The following GPHN variants were observed in gnomAD, a reference collection of about 807,000 sequenced individuals.
GPHN encodes the protein gephyrin.
A neutral mutation model predicts 95.5 loss-of-function variants in GPHN; 17 were observed. The ratio of observed to expected loss-of-function variants is 0.18; its 90% CI spans 0.12 to 0.27. The LOEUF (loss-of-function observed/expected upper bound fraction) is 0.27, where lower values mean the gene tolerates loss of function less well. Ranked by LOEUF, GPHN falls within the 10% of genes least tolerant of loss-of-function variation. GPHN has a pLI of 1.00. For missense variants in GPHN, 660 were observed against 978.1 expected (o/e 0.67, Z 4.34); for synonymous variants, 320 against 322.5 (o/e 0.99, Z 0.08).
At chr14:67,203,351 G>T in the GPHN span, 1 of 1,392,478 alleles carries the variant, frequency 7.2e-7, no homozygotes, top group Non-Finnish European at 9.7e-7. Flanking sequence ...TAGCCCTGTG[G>T]ATCTGAAAAC....
chr14:67,650,636 C>A, the GPHN span: 1 of 1,349,342 alleles, frequency 7.4e-7, no homozygotes, highest in Non-Finnish European at 1.1e-6. Context: ...TTGGCTTGTT[C>A]TCCCTGTCCC....
the GPHN span, among the ~76,000 whole-genome samples, chr14:67,193,172 A>C: frequency 5.7e-5 from 8 of 140,814 alleles, no homozygotes; most frequent in Admixed American, 2.2e-4. Context: ...AGACATCTAT[A>C]TATCTCTATA....
chr14:67,633,041 C>T, the GPHN span, among the ~76,000 whole-genome samples: 8 of 151,664 alleles, frequency 5.3e-5, no homozygotes, highest in Non-Finnish European at 1.0e-4. Flanking sequence ...AGGATGGTCT[C>T]GATCTCCTGA....
the GPHN span, chr14:67,392,278 T>A: frequency 1.6e-6 from 2 of 1,256,464 alleles, no homozygotes; most frequent in African/African-American, 1.5e-5. Context: ...CTCCCTCCCC[T>A]AAGCTTGAGA....
intron 1 of GPHN, among the ~76,000 whole-genome samples, chr14:66,543,422 T>G (rs1393768748): frequency 6.6e-6 from 1 of 152,186 alleles, no homozygotes; most frequent in African/African-American, 2.4e-5. Context: ...TGTTATACTT[T>G]AAAAAAATCT....
chr14:66,700,781 G>T (rs1307261052), intron 2 of GPHN, among the ~76,000 whole-genome samples: 1 of 152,062 alleles, frequency 6.6e-6, no homozygotes, highest in African/African-American at 2.4e-5. Context: ...AAATTAGCTG[G>T]GCGTGGTGGC....
chr14:67,692,858 C>T, the GPHN span: 2 of 1,115,616 alleles, frequency 1.8e-6, no homozygotes, highest in Non-Finnish European at 2.6e-6. Context: ...TGGGAAGAAA[C>T]AATGAGAATG....
chr14:66,754,293 A>G (rs1422465435), intron 2 of GPHN, among the ~76,000 whole-genome samples: 1 of 152,076 alleles, frequency 6.6e-6, no homozygotes, highest in Non-Finnish European at 1.5e-5. Context: ...AAGTTTTCCA[A>G]AGTGACTGTG....
the GPHN span, among the ~76,000 whole-genome samples, chr14:67,706,794 G>A: frequency 6.6e-6 from 1 of 152,084 alleles, no homozygotes; most frequent in African/African-American, 2.4e-5. Context: ...TCTGGAGAAA[G>A]CATTTTAGAA....
the GPHN span, chr14:67,199,743 TG>T: frequency 6.4e-7 from 1 of 1,565,210 alleles, no homozygotes; most frequent in Non-Finnish European, 8.7e-7. Context: ...GTATCATCAT[TG>T]GGGTCTGGGC....
At position 67,022,568 on chromosome 14, in the gene GPHN, G is replaced by GGTGTGT. The variant is rs72312422; in HGVS notation, c.964-1032_964-1027dup. On this transcript the variant is annotated intron_variant, in intron 9 of 22. Transcript: ENST00000478722. ...TTTTTTTTTTTTTTTTTTTTTTTTT[G>GGTGTGT]GTGTGTGTGTGTGTGTGTGTGTGTG... 9.0e-3 allele frequency among the ~76,000 whole-genome samples: 187 copies of GGTGTGT among 20,854 alleles called. 1 individual carries two copies. Among genetic ancestry groups the GGTGTGT allele is most frequent in the African/African-American group, 0.022 (106 of 4,760 alleles). The allele number at this position is 20,854 out of a possible 152,430, so 13.7% of individuals were successfully genotyped here.
At chr14:66,672,504 T>A (rs2066354284) in intron 1 of GPHN, among the ~76,000 whole-genome samples, 1 of 152,222 alleles carries the variant, frequency 6.6e-6, no homozygotes, top group African/African-American at 2.4e-5. Flanking sequence ...GATAGAGGAT[T>A]GTTAGTCTCC....
At chr14:67,137,854 T>G (rs1395003420) in intron 17 of GPHN, among the ~76,000 whole-genome samples, 1 of 152,208 alleles carries the variant, frequency 6.6e-6, no homozygotes, top group Non-Finnish European at 1.5e-5. Context: ...GAAGAAAGAT[T>G]TAAGTGATAT....
At chr14:67,469,133 C>G in the GPHN span, among the ~76,000 whole-genome samples, 1 of 152,160 alleles carries the variant, frequency 6.6e-6, no homozygotes, top group Non-Finnish European at 1.5e-5. Context: ...AGGGAAAAAG[C>G]TTTCAGCCAA....
the GPHN span, among the ~76,000 whole-genome samples, chr14:67,722,904 G>A: frequency 1.3e-5 from 2 of 152,206 alleles, no homozygotes; most frequent in Non-Finnish European, 2.9e-5. Flanking sequence ...CCGGGCAGAG[G>A]TGGGGCTGAG....
intron 4 of GPHN, among the ~76,000 whole-genome samples, chr14:66,835,964 C>T (rs1304290116): frequency 7.0e-6 from 1 of 142,440 alleles, no homozygotes; most frequent in Non-Finnish European, 1.5e-5. Context: ...AATGGAAGAA[C>T]ATTCCATGCT....
At chr14:67,645,931 T>A in the GPHN span, 1 of 1,063,240 alleles carries the variant, frequency 9.4e-7, no homozygotes, top group Non-Finnish European at 1.4e-6. Flanking sequence ...TGTTCATCAC[T>A]ATTATGGACC....
chr14:66,736,210 G>T (rs573717424), intron 2 of GPHN, among the ~76,000 whole-genome samples: 1 of 151,642 alleles, frequency 6.6e-6, no homozygotes, highest in Non-Finnish European at 1.5e-5. Context: ...GTCATTTGCT[G>T]GATCATTAAA....
At chr14:67,514,342 G>T in the GPHN span, among the ~76,000 whole-genome samples, 4 of 152,096 alleles carry the variant, frequency 2.6e-5, no homozygotes, top group East Asian at 7.7e-4. Flanking sequence ...TGGGAAAGAG[G>T]CCAATGTCTC....
Sources: gnomAD v4.1 joint callset for allele counts (sites outside exome capture counted in the v4.1 genomes callset) on GRCh38, gnomAD v4.1.1 for gene constraint, MANE v1.5 for transcripts, NCBI Gene and HGNC (gene_info 2026-07-23, HGNC 2026-07-21) for gene names.